The following TMC5 variants were observed in gnomAD, a reference collection of about 807,000 sequenced individuals.
TMC5 encodes transmembrane channel like 5.
TMC5 carries 86 observed loss-of-function variants against 110.5 expected under a neutral mutation model. The observed-to-expected ratio is 0.78, with a 90% CI of 0.65 to 0.93. The LOEUF is 0.93. TMC5 is among the 40% of genes least tolerant of loss of function. The pLI, the probability that TMC5 is intolerant of heterozygous loss-of-function variation, is 0.00. For missense variants in TMC5, 1,144 were observed against 1,222.8 expected (o/e 0.94, Z 0.96); for synonymous variants, 455 against 439.5 (o/e 1.04, Z -0.44).
At chr16:19,456,592 C>G (rs1158105253) in intron 5 of TMC5, 16 of 1,490,460 alleles carry the variant, frequency 1.1e-5, no homozygotes, top group African/African-American at 1.4e-5. Flanking sequence ...TGGTGTATCC[C>G]TTTGTGATCA....
upstream of TMC5, among the ~76,000 whole-genome samples, chr16:19,414,657 A>G (rs1319000161): frequency 6.6e-6 from 1 of 152,228 alleles, no homozygotes. Context: ...TTGTAATCCC[A>G]GAACCTTGGG....
chr16:19,431,290 C>T (rs893891324), intron 2 of TMC5, among the ~76,000 whole-genome samples: 1 of 152,042 alleles, frequency 6.6e-6, no homozygotes, highest in Non-Finnish European at 1.5e-5. Flanking sequence ...CCTGTAATCC[C>T]AGCACTTTGG....
At position 19,498,616 on chromosome 16, in the gene TMC5, G is replaced by GCA. The variant is rs36045812; in HGVS notation, c.*651_*652dup. On this transcript the variant is annotated 3_prime_UTR_variant, in exon 22 of 22. Coordinates refer to ENST00000542583, the MANE Select transcript of TMC5 (RefSeq NM_001261841.2). ...CAAAGTCCTACGTCAAGCTAGCTTT[G>GCA]CAGTGGCAGTACCGTAGCCAATGAG... 132,763 of 152,074 alleles carry GCA rather than the reference G, an allele frequency of 0.87. 58,109 individuals carry two copies. The highest frequency in any genetic ancestry group is 0.93 in the African/African-American group (38,387 of 41,474). The allele number at this position is 152,074 out of a possible 1,614,324, so 9.4% of individuals were successfully genotyped here. A position where few individuals can be genotyped will look rare whatever the true frequency, so the allele number is the denominator to read the frequency against.
intron 5 of TMC5, among the ~76,000 whole-genome samples, chr16:19,455,228 A>C (rs2143536408): frequency 6.6e-6 from 1 of 151,890 alleles, no homozygotes; most frequent in East Asian, 1.9e-4. Context: ...CAGGCGAATC[A>C]CTTGAGGTCA....
In TMC5 at chr16:19,484,874, T is replaced by C. The variant is rs182920521; in HGVS notation, c.2364-2071T>C. Among the ~76,000 whole-genome samples, 30 of 152,016 alleles carry C rather than the reference T, an allele frequency of 2.0e-4. 1 individual carries two copies. The East Asian group carries it at 5.6e-3, about 28-fold the overall frequency. ...ATCAAAAACACATCTTTTTTTTTTT[T>C]CTCCATGGTTATTTCAGTTCTAACC... On this transcript the variant is annotated intron_variant, in intron 15 of 21. Coordinates refer to ENST00000542583, the MANE Select transcript of TMC5 (RefSeq NM_001261841.2).
chr16:19,484,210 A>T (rs1298029353), intron 15 of TMC5, among the ~76,000 whole-genome samples: 1 of 152,192 alleles, frequency 6.6e-6, no homozygotes, highest in Non-Finnish European at 1.5e-5. Flanking sequence ...GACTCTTTAA[A>T]GTTGCCCTGG....
intron 2 of TMC5, among the ~76,000 whole-genome samples, chr16:19,431,386 C>T (rs971067789): frequency 1.3e-5 from 2 of 151,738 alleles, no homozygotes; most frequent in African/African-American, 4.8e-5. Context: ...ACTAAAAATA[C>T]AAAAAATTAG....
At chr16:19,438,460 A>AGAAAGAAAG (rs1567302363) in intron 2 of TMC5, among the ~76,000 whole-genome samples, 1 of 150,584 alleles carries the variant, frequency 6.6e-6, no homozygotes, top group Admixed American at 6.6e-5. Flanking sequence ...AAAGAAAGAA[A>AGAAAGAAAG]ACTCAACCAA....
intron 1 of TMC5, among the ~76,000 whole-genome samples, chr16:19,429,811 T>C (rs1437666369): frequency 6.6e-6 from 1 of 152,172 alleles, no homozygotes; most frequent in African/African-American, 2.4e-5. Context: ...TCCACCTGCC[T>C]CGGCCTCCCA....
chr16:19,496,603 G>A (rs1161509369), intron 20 of TMC5, among the ~76,000 whole-genome samples: 2 of 152,008 alleles, frequency 1.3e-5, no homozygotes, highest in Non-Finnish European at 1.5e-5. Context: ...TCTGTGGAAC[G>A]GCCAGGTGCG....
upstream of TMC5, among the ~76,000 whole-genome samples, chr16:19,414,932 T>A (rs1426282255): frequency 6.6e-6 from 1 of 152,118 alleles, no homozygotes; most frequent in Non-Finnish European, 1.5e-5. Flanking sequence ...TAGTCCCAGC[T>A]GCTCAGGAGG....
At chr16:19,446,132 G>GAGGA (rs1967610694) in intron 4 of TMC5, among the ~76,000 whole-genome samples, 1 of 151,114 alleles carries the variant, frequency 6.6e-6, no homozygotes, top group Non-Finnish European at 1.5e-5. Context: ...GGAAGGAAGG[G>GAGGA]AGGAAGGAAG....
upstream of TMC5, among the ~76,000 whole-genome samples, chr16:19,414,913 G>T (rs930727968): frequency 1.1e-4 from 17 of 152,136 alleles, no homozygotes; most frequent in Admixed American, 2.0e-4. Flanking sequence ...GCATAGTGGT[G>T]AGTTCCTGTA....
chr16:19,440,283 A>G lies in TMC5; in HGVS notation c.245A>G (p.Asp82Gly). 1 of 1,614,104 alleles carries G rather than the reference A, an allele frequency of 6.2e-7. No homozygotes were observed. The highest frequency in any genetic ancestry group is 8.5e-7 in the Non-Finnish European group (1 of 1,180,012). Residue 82 changes from aspartate (D) to glycine (G), a missense_variant, in exon 3 of 22, where the codon GAC becomes GGC. Coordinates refer to ENST00000542583, the MANE Select transcript of TMC5 (RefSeq NM_001261841.2). ...PNYPRSLSNP[D>G]YSGTRSNAYS... ...TATCCTAGATCTCTGAGTAATCCAG[A>G]CTATTCTGGCACCAGAAGCAATGCA... is the stretch of plus-strand genomic sequence containing the variant.
At chr16:19,455,273 C>A (rs956309751) in intron 5 of TMC5, among the ~76,000 whole-genome samples, 1 of 151,712 alleles carries the variant, frequency 6.6e-6, no homozygotes, top group Non-Finnish European at 1.5e-5. Flanking sequence ...CATGGTGAAA[C>A]CTCGTCTCTA....
chr16:19,444,612 T>C (rs1282705059), intron 4 of TMC5, among the ~76,000 whole-genome samples: 2 of 152,198 alleles, frequency 1.3e-5, no homozygotes, highest in African/African-American at 4.8e-5. Context: ...AACCTGATGT[T>C]GATCTGTTCC....
intron 5 of TMC5, among the ~76,000 whole-genome samples, chr16:19,450,400 C>T (rs947965088): frequency 5.3e-5 from 8 of 152,220 alleles, no homozygotes; most frequent in African/African-American, 1.7e-4. Flanking sequence ...TGAATGAGTA[C>T]AGAAATCAGG....
intron 15 of TMC5, among the ~76,000 whole-genome samples, chr16:19,484,227 T>C (rs988441792): frequency 4.6e-5 from 7 of 152,232 alleles, no homozygotes; most frequent in African/African-American, 1.4e-4. Flanking sequence ...CTGGGTGATT[T>C]GGCTGTCTGC....
At chr16:19,449,685 A>C (rs1967703830) in intron 5 of TMC5, 54 bp downstream of exon 5, 2 of 1,513,558 alleles carry the variant, frequency 1.3e-6, no homozygotes, top group Admixed American at 3.3e-5. Context: ...TTCAAATTGT[A>C]ATCCCCATGT....
Sources: allele counts gnomAD v4.1 joint callset (sites outside exome capture counted in the v4.1 genomes callset), GRCh38; gene constraint gnomAD v4.1.1; transcripts MANE v1.5; gene names NCBI Gene and HGNC (gene_info 2026-07-23, HGNC 2026-07-21).